Variants in CACNA2D1 observed in about 807,000 individuals in gnomAD.
The protein encoded by CACNA2D1 is calcium voltage-gated channel auxiliary subunit alpha2delta 1.
A neutral mutation model predicts 171.5 loss-of-function variants in CACNA2D1; 53 were observed. The ratio of observed to expected loss-of-function variants is 0.31; its 90% CI spans 0.25 to 0.39. CACNA2D1 has a LOEUF of 0.39. Ranked by LOEUF, CACNA2D1 falls within the 10% of genes least tolerant of loss-of-function variation. The pLI, the probability that CACNA2D1 is intolerant of heterozygous loss-of-function variation, is 1.00. For missense variants in CACNA2D1, 903 were observed against 1,299.8 expected (o/e 0.69, Z 4.69); for synonymous variants, 442 against 443.1 (o/e 1.00, Z 0.03).
chr7:82,241,942 G>C (rs1804353128), intron 3 of CACNA2D1, among the ~76,000 whole-genome samples: 1 of 152,022 alleles, frequency 6.6e-6, no homozygotes, highest in South Asian at 2.1e-4. Context: ...TGGACTATAA[G>C]AGCCGACTGA....
chr7:82,000,891 A>T (rs1798543575), intron 18 of CACNA2D1, among the ~76,000 whole-genome samples: 1 of 135,800 alleles, frequency 7.4e-6, no homozygotes, highest in African/African-American at 2.9e-5. Context: ...AGCCTCCCAA[A>T]GTGTTGGGAT....
At chr7:82,123,495 A>T (rs1789981863) in intron 5 of CACNA2D1, among the ~76,000 whole-genome samples, 1 of 152,214 alleles carries the variant, frequency 6.6e-6, no homozygotes, top group Non-Finnish European at 1.5e-5. Flanking sequence ...TAATGGATAG[A>T]TGTAATAAAT....
chr7:82,046,675 G>A (rs763343), intron 10 of CACNA2D1, among the ~76,000 whole-genome samples: 150,678 of 152,252 alleles, frequency 0.99, 74,579 homozygotes, highest in South Asian at 1. Flanking sequence ...GGACAAAAAT[G>A]TAAATATGGA....
intron 3 of CACNA2D1, among the ~76,000 whole-genome samples, chr7:82,182,311 A>ACAAC (rs931816476): frequency 6.6e-6 from 1 of 152,172 alleles, no homozygotes; most frequent in African/African-American, 2.4e-5. Flanking sequence ...ATTAAACTAC[A>ACAAC]CAACCACTTT....
chr7:81,991,373 C>CCTG, intron 20 of CACNA2D1, 127 bp from the exon 21 acceptor site: 1 of 563,180 alleles, frequency 1.8e-6, no homozygotes, highest in Non-Finnish European at 3.2e-6. Flanking sequence ...AAGGTATGAT[C>CCTG]TATTTTATTC....
intron 6 of CACNA2D1, 103 bp from the exon 7 acceptor site, chr7:82,085,003 C>A: frequency 9.6e-7 from 1 of 1,040,958 alleles, no homozygotes; most frequent in Non-Finnish European, 1.4e-6. Flanking sequence ...CATTGTTCTA[C>A]CTATAAAATA....
chr7:82,040,448 T>C (rs1473554420), intron 10 of CACNA2D1, among the ~76,000 whole-genome samples: 1 of 50,258 alleles, frequency 2.0e-5, no homozygotes, highest in Non-Finnish European at 3.7e-5. Context: ...CTAAATAATT[T>C]ATTCAAAAAA....
intron 5 of CACNA2D1, among the ~76,000 whole-genome samples, chr7:82,127,799 C>T (rs537183734): frequency 6.6e-6 from 1 of 152,294 alleles, no homozygotes; most frequent in East Asian, 1.9e-4. Context: ...GATAAGTTAA[C>T]TGGACACAGC....
chr7:82,163,730 G>C (rs1310087674), intron 4 of CACNA2D1, among the ~76,000 whole-genome samples: 1 of 151,936 alleles, frequency 6.6e-6, no homozygotes, highest in Non-Finnish European at 1.5e-5. Context: ...TCACACTTTG[G>C]GATGTTGCAA....
At chr7:82,147,780 C>T (rs1793316461) in intron 4 of CACNA2D1, among the ~76,000 whole-genome samples, 1 of 152,072 alleles carries the variant, frequency 6.6e-6, no homozygotes, top group Non-Finnish European at 1.5e-5. Context: ...CAGTGAATAA[C>T]TTAGTTTAAA....
intron 1 of CACNA2D1, among the ~76,000 whole-genome samples, chr7:82,409,910 C>T (rs888123136): frequency 1.8e-4 from 28 of 152,310 alleles, no homozygotes; most frequent in African/African-American, 5.1e-4. Flanking sequence ...GTATAGCCTA[C>T]TGCTCCTAGG....
chr7:82,265,191 C>T lies in CACNA2D1; in HGVS notation c.294+69944G>A, dbSNP rs77241416. ...CGATACATGGCTGAATGATCTCTTC[C>T]CACCTAAAAACATCTTTTAATTGCA... is the stretch of plus-strand genomic sequence containing the variant. On this transcript the variant is annotated intron_variant, in intron 3 of 38. Coordinates refer to ENST00000356860, the MANE Select transcript of CACNA2D1 (RefSeq NM_000722.4). Among the ~76,000 whole-genome samples, 1,230 of 152,242 alleles carry T rather than the reference C, an allele frequency of 8.1e-3. 24 individuals are homozygous for T. Among genetic ancestry groups the T allele is most frequent in the African/African-American group, 0.028 (1,164 of 41,532 alleles).
intron 1 of CACNA2D1, among the ~76,000 whole-genome samples, chr7:82,363,254 C>CTCTTTTTTTTTTTTT (rs1821286522): frequency 1.9e-4 from 12 of 63,420 alleles, no homozygotes; most frequent in African/African-American, 1.0e-3. Flanking sequence ...TTATTTGTCT[C>CTCTTTTTTTTTTTTT]TTTTTTTTTT....
intron 3 of CACNA2D1, among the ~76,000 whole-genome samples, chr7:82,246,349 G>C (rs984770807): frequency 3.3e-5 from 5 of 151,986 alleles, no homozygotes; most frequent in Non-Finnish European, 7.4e-5. Context: ...ATAGCAGAAA[G>C]TGAATGTAGT....
chr7:82,057,437 G>A (rs1584571088), intron 10 of CACNA2D1, among the ~76,000 whole-genome samples: 1 of 152,126 alleles, frequency 6.6e-6, no homozygotes, highest in African/African-American at 2.4e-5. Flanking sequence ...CTTTCCAAGT[G>A]TGTATGTGTT....
At chr7:82,389,305 T>C (rs180979428) in intron 1 of CACNA2D1, among the ~76,000 whole-genome samples, 2 of 151,940 alleles carry the variant, frequency 1.3e-5, no homozygotes, top group East Asian at 3.9e-4. Context: ...AGAAAGTTAT[T>C]ATTTTGACTG....
In CACNA2D1 at chr7:82,443,628, G is replaced by C. The variant is rs1031308373; in HGVS notation, c.-169C>G. ...GAGCCGCGCGGGGGACGGCAAGGGC[G>C]GGAGCGGACGCCGAGGAAGGGGCGG... is the stretch of plus-strand genomic sequence containing the variant. On this transcript the variant is annotated 5_prime_UTR_variant, in exon 1 of 39. Transcript: ENST00000356860. 8.4e-6 allele frequency: 11 copies of C among 1,316,412 alleles called. No individual in the cohort carries two copies. The Admixed American group carries it at 2.5e-4, about 30-fold the overall frequency. The allele number at this position is 1,316,412 out of a possible 1,614,324, so 81.5% of individuals were successfully genotyped here. A position where few individuals can be genotyped will look rare whatever the true frequency, so the allele number is the denominator to read the frequency against.
intron 3 of CACNA2D1, among the ~76,000 whole-genome samples, chr7:82,303,499 A>G (rs557075987): frequency 6.6e-6 from 1 of 152,208 alleles, no homozygotes; most frequent in South Asian, 2.1e-4. Context: ...CTGAACTAAA[A>G]GAATGAAACT....
At chr7:82,393,116 A>T (rs1262534187) in intron 1 of CACNA2D1, among the ~76,000 whole-genome samples, 1 of 78,960 alleles carries the variant, frequency 1.3e-5, no homozygotes, top group African/African-American at 5.4e-5. Context: ...GCAGGCAGGG[A>T]GGGAGGGAGG....
Sources: allele counts gnomAD v4.1 joint callset (sites outside exome capture counted in the v4.1 genomes callset), GRCh38; gene constraint gnomAD v4.1.1; transcripts MANE v1.5; gene names NCBI Gene and HGNC (gene_info 2026-07-23, HGNC 2026-07-21).